The following SPATA17 variants were observed in gnomAD, a reference collection of about 807,000 sequenced individuals.
The protein encoded by SPATA17 is spermatogenesis-associated protein 17.
SPATA17 carries 53 observed loss-of-function variants against 62.2 expected under a neutral mutation model. That is an observed-to-expected ratio of 0.85 (90% CI 0.68 to 1.07). SPATA17 has a LOEUF of 1.07. Ranked by LOEUF, SPATA17 falls within the 50% of genes least tolerant of loss-of-function variation. The probability of loss-of-function intolerance (pLI) is 0.00; values close to 1 mark genes in which losing one functional copy is unlikely to be tolerated. For synonymous variants in SPATA17, 146 were observed against 146.8 expected, an observed-to-expected ratio of 0.99 and a Z score of 0.04; for missense variants, 466 against 425.5, an observed-to-expected ratio of 1.10 and a Z score of -0.84.
intron 9 of SPATA17, among the ~76,000 whole-genome samples, chr1:217,855,939 A>G (rs1227523688): frequency 6.6e-6 from 1 of 151,786 alleles, no homozygotes; most frequent in Non-Finnish European, 1.5e-5. Flanking sequence ...GTTGGCCAGG[A>G]TGGTCTCGAT....
chr1:217,855,823 T>G (rs1187667836), intron 9 of SPATA17, among the ~76,000 whole-genome samples: 2 of 147,300 alleles, frequency 1.4e-5, no homozygotes, highest in Non-Finnish European at 3.0e-5. Context: ...GTCTCCTGGG[T>G]TCAAGCTATT....
intron 6 of SPATA17, among the ~76,000 whole-genome samples, chr1:217,757,756 C>T (rs907012706): frequency 6.6e-6 from 1 of 152,082 alleles, no homozygotes; most frequent in African/African-American, 2.4e-5. Flanking sequence ...ACCAAATAAA[C>T]ATGGACCCCG....
chr1:217,645,898 A>G (rs1441514747), intron 1 of SPATA17, among the ~76,000 whole-genome samples: 1 of 152,158 alleles, frequency 6.6e-6, no homozygotes, highest in African/African-American at 2.4e-5. Flanking sequence ...CTTAATCATG[A>G]TCTCCCATCC....
chr1:217,731,247 T>A (rs1378322246), intron 5 of SPATA17, among the ~76,000 whole-genome samples: 3 of 152,138 alleles, frequency 2.0e-5, no homozygotes, highest in Middle Eastern at 3.2e-3. Flanking sequence ...TTCTGTGACT[T>A]CTGCTAGCAC....
intron 1 of SPATA17, among the ~76,000 whole-genome samples, chr1:217,646,466 CAA>C (rs1215373251): frequency 1.3e-5 from 2 of 152,182 alleles, no homozygotes; most frequent in Non-Finnish European, 2.9e-5. Context: ...CCTTTTCCCA[CAA>C]AGTCTCCATA....
At chr1:217,836,800 G>A (rs940441324) in intron 9 of SPATA17, among the ~76,000 whole-genome samples, 24 of 152,188 alleles carry the variant, frequency 1.6e-4, no homozygotes, top group Non-Finnish European at 2.9e-5. Context: ...TGCTCCAGCT[G>A]TATTATTTTG....
chr1:217,702,324 A>G (rs893652636), intron 5 of SPATA17, among the ~76,000 whole-genome samples: 1 of 152,100 alleles, frequency 6.6e-6, no homozygotes, highest in Non-Finnish European at 1.5e-5. Flanking sequence ...AATTTTTTAA[A>G]TTACCCATGC....
At chr1:217,770,517 T>C (rs1376590300) in intron 6 of SPATA17, among the ~76,000 whole-genome samples, 1 of 152,178 alleles carries the variant, frequency 6.6e-6, no homozygotes, top group African/African-American at 2.4e-5. Context: ...TTATTCTTCC[T>C]ATTTCATAGA....
chr1:217,805,517 C>T (rs1308900515), intron 9 of SPATA17, among the ~76,000 whole-genome samples: 2 of 152,130 alleles, frequency 1.3e-5, no homozygotes, highest in Non-Finnish European at 1.5e-5. Flanking sequence ...AATGACTCAG[C>T]ATAGATCTTA....
chr1:217,721,635 C>T (rs907173357), intron 5 of SPATA17, among the ~76,000 whole-genome samples: 1 of 152,182 alleles, frequency 6.6e-6, no homozygotes, highest in African/African-American at 2.4e-5. Flanking sequence ...TAGCCGTTCT[C>T]ATGATTCAAT....
intron 6 of SPATA17, among the ~76,000 whole-genome samples, chr1:217,760,762 T>A (rs930591804): frequency 6.6e-6 from 1 of 152,198 alleles, no homozygotes; most frequent in African/African-American, 2.4e-5. Flanking sequence ...TGGAGGTTTT[T>A]CTTTCAGCAC....
intron 9 of SPATA17, among the ~76,000 whole-genome samples, chr1:217,809,073 GA>G (rs1313350169): frequency 6.6e-6 from 1 of 151,944 alleles, no homozygotes; most frequent in Non-Finnish European, 1.5e-5. Context: ...ACGTTAGACC[GA>G]AAAGAAAAAT....
At chr1:217,836,527 A>G (rs1675263062) in intron 9 of SPATA17, among the ~76,000 whole-genome samples, 1 of 152,160 alleles carries the variant, frequency 6.6e-6, no homozygotes, top group African/African-American at 2.4e-5. Flanking sequence ...GTGCTACAAA[A>G]CATCAACTAT....
chr1:217,782,527 A>G (rs1673754350), intron 8 of SPATA17, among the ~76,000 whole-genome samples: 1 of 152,152 alleles, frequency 6.6e-6, no homozygotes. Context: ...TTGACAACTC[A>G]AAAGACAAAA....
chr1:217,677,359 G>A (rs996592577), intron 4 of SPATA17, among the ~76,000 whole-genome samples: 1 of 151,866 alleles, frequency 6.6e-6, no homozygotes, highest in African/African-American at 2.4e-5. Context: ...GATATATAAA[G>A]ATTCGTCTCA....
chr1:217,831,780 G>A (rs1166898101), intron 9 of SPATA17, among the ~76,000 whole-genome samples: 3 of 152,078 alleles, frequency 2.0e-5, no homozygotes, highest in Admixed American at 2.0e-4. Context: ...TATAGATCAG[G>A]ATGACATTTA....
At position 217,787,686 on chromosome 1, in the gene SPATA17, T is replaced by G. The variant is rs532459102; in HGVS notation, c.872+5364T>G. Among the ~76,000 whole-genome samples, 40 of 152,298 alleles carry G rather than the reference T, an allele frequency of 2.6e-4. 1 individual carries two copies. In the South Asian group the frequency reaches 7.7e-3, roughly 29 times the overall value. ...GGGGTATCTATTGTCAACCCTTTTT[T>G]GTGTATCTGTCCAGGAATTTTTGGT... On this transcript the variant is annotated intron_variant, in intron 8 of 10. Coordinates refer to ENST00000366933, the MANE Select transcript of SPATA17 (RefSeq NM_138796.4).
In SPATA17 at chr1:217,631,370, C is replaced by G. The variant is rs769933642; in HGVS notation, c.-9C>G. The G allele has an allele frequency of 5.0e-6, 8 of 1,613,946 alleles. No homozygotes were observed. The highest frequency in any genetic ancestry group is 6.8e-6 in the Non-Finnish European group (8 of 1,180,008). On this transcript the variant is annotated 5_prime_UTR_variant, in exon 1 of 11. Transcript: ENST00000366933. ...GTAACACCAGTTGTAAACCCAAGGCCAAGAGACCATGGCCACGTTAGCCCG... is the reference window on the plus strand; with the variant it reads ...GTAACACCAGTTGTAAACCCAAGGCGAAGAGACCATGGCCACGTTAGCCCG...
At chr1:217,761,510 G>T (rs1673172186) in intron 6 of SPATA17, among the ~76,000 whole-genome samples, 1 of 151,948 alleles carries the variant, frequency 6.6e-6, no homozygotes, top group Non-Finnish European at 1.5e-5. Flanking sequence ...ACATTTATCA[G>T]AATTACCTAA....
Sources: allele counts gnomAD v4.1 joint callset (sites outside exome capture counted in the v4.1 genomes callset), GRCh38; gene constraint gnomAD v4.1.1; transcripts MANE v1.5; gene names NCBI Gene and HGNC (gene_info 2026-07-23, HGNC 2026-07-21).